The following LAMA2 variants were observed in gnomAD, a reference collection of about 807,000 sequenced individuals.
The protein encoded by LAMA2 is laminin subunit alpha 2, also known as laminin subunit alpha-2.
A neutral mutation model predicts 364.8 loss-of-function variants in LAMA2; 269 were observed. The observed-to-expected ratio is 0.74, with a 90% CI of 0.67 to 0.82. The LOEUF is 0.82. Among genes scored for constraint, LAMA2 ranks in the 40% least tolerant of loss-of-function variants. LAMA2 has a pLI of 0.00. For synonymous variants in LAMA2, 1,379 were observed against 1,370.6 expected, an observed-to-expected ratio of 1.01 and a Z score of -0.14; for missense variants, 3,807 against 3,873.2, an observed-to-expected ratio of 0.98 and a Z score of 0.45.
At chr6:129,175,761 A>G (rs919970314) in intron 9 of LAMA2, among the ~76,000 whole-genome samples, 1 of 152,144 alleles carries the variant, frequency 6.6e-6, no homozygotes, top group African/African-American at 2.4e-5. Flanking sequence ...CGATGGCTGC[A>G]GCAAACCACC....
intron 39 of LAMA2, among the ~76,000 whole-genome samples, chr6:129,403,481 A>G (rs1368738408): frequency 6.6e-6 from 1 of 152,222 alleles, no homozygotes; most frequent in South Asian, 2.1e-4. Context: ...CCAGTAATGT[A>G]GTACAAGTGC....
chr6:129,507,200 G>T (rs1314445640), intron 61 of LAMA2, among the ~76,000 whole-genome samples: 1 of 151,952 alleles, frequency 6.6e-6, no homozygotes, highest in Non-Finnish European at 1.5e-5. Flanking sequence ...CCAACATGGG[G>T]CCCATAGCTC....
chr6:129,216,639 A>G (rs1033473072), intron 12 of LAMA2, among the ~76,000 whole-genome samples: 1 of 152,206 alleles, frequency 6.6e-6, no homozygotes, highest in Non-Finnish European at 1.5e-5. Flanking sequence ...TCATTCTTAA[A>G]GAAAATTATT....
At chr6:129,391,775 T>C (rs761864821) in intron 36 of LAMA2, 122 bp downstream of exon 36, 11 of 768,754 alleles carry the variant, frequency 1.4e-5, no homozygotes, top group Non-Finnish European at 2.2e-5. Flanking sequence ...CCTGGAGATA[T>C]TTGCTATGTT....
intron 1 of LAMA2, among the ~76,000 whole-genome samples, chr6:128,908,756 G>T (rs1164597933): frequency 1.7e-4 from 25 of 148,112 alleles, no homozygotes; most frequent in Non-Finnish European, 2.4e-4. Flanking sequence ...CTTTCCTGCT[G>T]TCTCTTGTGG....
chr6:129,076,484 T>TTATA (rs77559270), intron 3 of LAMA2, among the ~76,000 whole-genome samples: 5 of 139,224 alleles, frequency 3.6e-5, no homozygotes, highest in African/African-American at 8.0e-5. Flanking sequence ...ATAATATATC[T>TTATA]TATATATTAT....
intron 3 of LAMA2, among the ~76,000 whole-genome samples, chr6:129,060,783 G>C (rs922923904): frequency 6.6e-6 from 1 of 152,144 alleles, no homozygotes; most frequent in Non-Finnish European, 1.5e-5. Flanking sequence ...CCCTCCTCCA[G>C]TGTCTAGGTT....
At position 129,507,527 on chromosome 6, in the gene LAMA2, C is replaced by T. The variant is rs1786192797; in HGVS notation, c.8742C>T (p.His2914=). 6.2e-7 allele frequency: 1 copy of T among 1,614,034 alleles called. No individual in the cohort carries two copies. The highest frequency in any genetic ancestry group is 1.7e-5 in the Admixed American group (1 of 60,012). The change falls in exon 62 of 65, where the codon CAC becomes CAT. Residue 2914 remains histidine (H), a synonymous_variant. Transcript: ENST00000421865. ...YSIDGCVRNL[H]MAEAPADLEQ... ...TTGATGGCTGCGTCAGGAATCTCCA[C>T]ATGGCAGAGGCCCCTGCCGATCTGG...
At chr6:128,902,228 T>C (rs577504008) in intron 1 of LAMA2, among the ~76,000 whole-genome samples, 2 of 152,034 alleles carry the variant, frequency 1.3e-5, no homozygotes. Context: ...CAATTCAAGA[T>C]GAGATTTTGT....
intron 12 of LAMA2, among the ~76,000 whole-genome samples, chr6:129,244,395 C>T (rs569784917): frequency 2.0e-5 from 3 of 152,188 alleles, no homozygotes; most frequent in South Asian, 2.1e-4. Flanking sequence ...TTAAGGCTCG[C>T]GGGCTTTGGG....
rs1055040937 is a variant in LAMA2, at chr6:129,393,550, C to T, written c.5445+295C>T. 5.3e-5 allele frequency among the ~76,000 whole-genome samples: 8 copies of T among 152,258 alleles called. No individual in the cohort carries two copies. The South Asian group carries it at 8.3e-4, about 16-fold the overall frequency. On this transcript the variant is annotated intron_variant, in intron 37 of 64. Transcript: ENST00000421865. ...AAGAAGTTCTTTACAGGGAGTCAGG[C>T]GACCTTGGTCTCAATGACAACTGTG...
intron 1 of LAMA2, among the ~76,000 whole-genome samples, chr6:128,943,366 C>T (rs116537240): frequency 0.019 from 2,831 of 151,942 alleles, 81 homozygotes; most frequent in African/African-American, 0.057. Context: ...TCACTGGAGC[C>T]TCCACCTCCC....
rs182534037 is a variant in LAMA2, at chr6:129,071,440, C to T, written c.396+11544C>T. On this transcript the variant is annotated intron_variant, in intron 3 of 64. Coordinates refer to ENST00000421865, the MANE Select transcript of LAMA2 (RefSeq NM_000426.4). ...CTTATATGTCTTGTTTTTTACTTCTCGTTATTTTTTATTTTAGTTTACTAC... is the reference window on the plus strand; with the variant it reads ...CTTATATGTCTTGTTTTTTACTTCTTGTTATTTTTTATTTTAGTTTACTAC... 1.3e-4 allele frequency among the ~76,000 whole-genome samples: 20 copies of T among 151,980 alleles called. 1 individual carries two copies. The highest frequency in any genetic ancestry group is 1.9e-4 in the African/African-American group (8 of 41,504).
chr6:129,327,983 A>G (rs1459659188), intron 28 of LAMA2, among the ~76,000 whole-genome samples: 1 of 152,226 alleles, frequency 6.6e-6, no homozygotes, highest in African/African-American at 2.4e-5. Flanking sequence ...TTATTTAAAA[A>G]CAAACATCTT....
chr6:129,113,746 T>C (rs1776301264), intron 4 of LAMA2, among the ~76,000 whole-genome samples: 1 of 151,994 alleles, frequency 6.6e-6, no homozygotes, highest in Admixed American at 6.6e-5. Context: ...ACATAAAGTG[T>C]GTGTACCCTT....
intron 12 of LAMA2, among the ~76,000 whole-genome samples, chr6:129,219,022 A>G (rs146836522): frequency 1.1e-4 from 17 of 152,280 alleles, no homozygotes; most frequent in African/African-American, 1.9e-4. Flanking sequence ...GCTGGTTTGT[A>G]TAAGTTTGAG....
chr6:129,314,421 T>G lies in LAMA2; in HGVS notation c.3412-234T>G, dbSNP rs1014312871. Among the ~76,000 whole-genome samples, 7 of 94,636 alleles carry G rather than the reference T, an allele frequency of 7.4e-5. No homozygotes were observed. The East Asian group carries it at 9.9e-4, about 13-fold the overall frequency. The allele number at this position is 94,636 out of a possible 152,430, so 62.1% of individuals were successfully genotyped here. A position where few individuals can be genotyped will look rare whatever the true frequency, so the allele number is the denominator to read the frequency against. On this transcript the variant is annotated intron_variant, in intron 23 of 64. Transcript: ENST00000421865. Reference sequence around the variant, plus strand: ...CTCAAAAAAAAAAAAAAAAAAAAAGTACAATACCTTTAGTCTTATATCTAT... The same window carrying G: ...CTCAAAAAAAAAAAAAAAAAAAAAGGACAATACCTTTAGTCTTATATCTAT...
Position 129,224,893 on chromosome 6 carries a change from G to T in LAMA2, c.1783-25219G>T, listed in dbSNP as rs760140814. 5.3e-4 allele frequency among the ~76,000 whole-genome samples: 81 copies of T among 152,232 alleles called. 1 individual carries two copies. The highest frequency in any genetic ancestry group is 8.8e-4 in the Non-Finnish European group (60 of 67,994). ...CCCTCTTTTTCTATTGATTGGAATA[G>T]TTTCAGAAGGAATGGTACCACCTCC... On this transcript the variant is annotated intron_variant, in intron 12 of 64. Transcript: ENST00000421865.
intron 40 of LAMA2, among the ~76,000 whole-genome samples, chr6:129,425,023 A>T (rs1258331733): frequency 6.6e-6 from 1 of 152,076 alleles, no homozygotes; most frequent in Non-Finnish European, 1.5e-5. Context: ...AGACAAAAAG[A>T]GAGTACATGC....
Sources: gnomAD v4.1 joint callset for allele counts (sites outside exome capture counted in the v4.1 genomes callset) on GRCh38, gnomAD v4.1.1 for gene constraint, MANE v1.5 for transcripts, NCBI Gene and HGNC (gene_info 2026-07-23, HGNC 2026-07-21) for gene names.